The following LHPP variants were observed in gnomAD, a reference collection of about 807,000 sequenced individuals.
LHPP encodes phospholysine phosphohistidine inorganic pyrophosphate phosphatase.
Under a neutral mutation model 30.3 loss-of-function variants are expected in LHPP, and 24 were observed. The ratio of observed to expected loss-of-function variants is 0.79; its 90% CI spans 0.57 to 1.11. The LOEUF (loss-of-function observed/expected upper bound fraction) is 1.11, where lower values mean the gene tolerates loss of function less well. LHPP is among the 50% of genes most tolerant of loss of function. The probability of loss-of-function intolerance (pLI) is 0.00; values close to 1 mark genes in which losing one functional copy is unlikely to be tolerated. For missense variants in LHPP, 356 were observed against 367.2 expected, an observed-to-expected ratio of 0.97 and a Z score of 0.25; for synonymous variants, 150 against 157.1, an observed-to-expected ratio of 0.95 and a Z score of 0.34.
intron 1 of LHPP, among the ~76,000 whole-genome samples, chr10:124,476,138 G>T (rs563360437): frequency 2.6e-4 from 39 of 152,128 alleles, no homozygotes; most frequent in African/African-American, 9.4e-4. Flanking sequence ...CTGGGGGCCG[G>T]CCCCAGCTTG....
chr10:124,472,560 C>CTT (rs1344794719), intron 1 of LHPP, among the ~76,000 whole-genome samples: 141 of 141,626 alleles, frequency 1.0e-3, no homozygotes, highest in African/African-American at 3.2e-3. Flanking sequence ...TATAAACTTA[C>CTT]TTTTTTTTTT....
At chr10:124,520,125 G>T (rs1460271078) in intron 6 of LHPP, among the ~76,000 whole-genome samples, 2 of 151,908 alleles carry the variant, frequency 1.3e-5, no homozygotes, top group Non-Finnish European at 2.9e-5. Context: ...GAGCCACCGC[G>T]CCCGGCCTCT....
intron 6 of LHPP, among the ~76,000 whole-genome samples, chr10:124,583,856 CAA>C (rs1012232526): frequency 3.3e-5 from 5 of 152,192 alleles, no homozygotes; most frequent in African/African-American, 1.2e-4. Flanking sequence ...ACCATACACA[CAA>C]AGTTTTATTT....
chr10:124,470,491 T>C (rs1300644039), intron 1 of LHPP, among the ~76,000 whole-genome samples: 1 of 151,978 alleles, frequency 6.6e-6, no homozygotes, highest in Non-Finnish European at 1.5e-5. Flanking sequence ...TGATAAAACG[T>C]AGGTGCCTCC....
At chr10:124,563,462 T>A (rs1589867866) in intron 6 of LHPP, among the ~76,000 whole-genome samples, 2 of 151,934 alleles carry the variant, frequency 1.3e-5, no homozygotes, top group African/African-American at 4.8e-5. Context: ...ATCCTCAAAA[T>A]GACAAAATTC....
At chr10:124,511,772 C>G (rs1051069736) in intron 5 of LHPP, among the ~76,000 whole-genome samples, 2 of 152,196 alleles carry the variant, frequency 1.3e-5, no homozygotes, top group South Asian at 4.1e-4. Flanking sequence ...ATCTGAAGGC[C>G]TGTTTGGGAG....
rs532795670 is a variant in LHPP, at chr10:124,526,387, G to A, written c.716+9116G>A. ...CCCCTACCATTTAGATTTGCAAATG[G>A]AAGCTCAGAGAGGTGAAGTAACTTG... On this transcript the variant is annotated intron_variant, in intron 6 of 6. Coordinates refer to ENST00000368842, the MANE Select transcript of LHPP (RefSeq NM_022126.4). 21 of 234,844 alleles carry A rather than the reference G, an allele frequency of 8.9e-5. No individual in the cohort carries two copies. The South Asian group carries it at 2.9e-3, about 33-fold the overall frequency. The allele number at this position is 234,844 out of a possible 1,614,324, so 14.5% of individuals were successfully genotyped here.
At position 124,544,446 on chromosome 10, in the gene LHPP, C is replaced by T. The variant is rs146154711; in HGVS notation, c.716+27175C>T. Among the ~76,000 whole-genome samples the T allele has an allele frequency of 2.3e-3, 350 of 152,312 alleles. 1 individual carries two copies. The highest frequency in any genetic ancestry group is 0.015 in the South Asian group (72 of 4,832). On this transcript the variant is annotated intron_variant, in intron 6 of 6. Transcript: ENST00000368842. Reference sequence around the variant, plus strand: ...ACACCTGGGGAGCCAGGTGTCCAGGCAGGCTCCAGTGTCCACTCCCAACAA... The same window carrying T: ...ACACCTGGGGAGCCAGGTGTCCAGGTAGGCTCCAGTGTCCACTCCCAACAA...
At chr10:124,599,980 C>T (rs192885735) in intron 6 of LHPP, among the ~76,000 whole-genome samples, 122 of 152,300 alleles carry the variant, frequency 8.0e-4, no homozygotes, top group Non-Finnish European at 1.4e-3. Flanking sequence ...GGGCAGGGAT[C>T]TCTGAGTTGG....
At chr10:124,565,639 G>A (rs751068676) in intron 6 of LHPP, among the ~76,000 whole-genome samples, 4 of 152,148 alleles carry the variant, frequency 2.6e-5, no homozygotes, top group African/African-American at 7.2e-5. Flanking sequence ...GCTACCCCAC[G>A]CCGTGCGCCC....
chr10:124,586,014 A>C (rs4468306), intron 6 of LHPP, among the ~76,000 whole-genome samples: 93,256 of 152,054 alleles, frequency 0.61, 29,456 homozygotes, highest in African/African-American at 0.78. Context: ...AAACTCCTGA[A>C]CTCAAGTGGT....
chr10:124,506,458 A>G (rs1243298474), intron 5 of LHPP, among the ~76,000 whole-genome samples: 1 of 151,800 alleles, frequency 6.6e-6, no homozygotes, highest in Non-Finnish European at 1.5e-5. Context: ...TGCCCTGGGG[A>G]GAACCGCAGC....
intron 6 of LHPP, among the ~76,000 whole-genome samples, chr10:124,610,989 C>CAGGTGA (rs1554899374): frequency 1.8e-5 from 1 of 55,100 alleles, no homozygotes; most frequent in Non-Finnish European, 3.6e-5. Context: ...GCTGGTGGAG[C>CAGGTGA]GGGTGAGGGT....
At chr10:124,493,810 A>G (rs1039299462) in intron 3 of LHPP, 2 of 151,842 alleles carry the variant, frequency 1.3e-5, no homozygotes, top group Non-Finnish European at 2.9e-5. Flanking sequence ...TAACAGGAGA[A>G]ATACGTCGCA....
chr10:124,581,626 A>G (rs1948742978), intron 6 of LHPP, among the ~76,000 whole-genome samples: 1 of 152,158 alleles, frequency 6.6e-6, no homozygotes, highest in Admixed American at 6.5e-5. Flanking sequence ...TATCTCATTC[A>G]GATTTTGGTT....
intron 5 of LHPP, among the ~76,000 whole-genome samples, chr10:124,502,621 G>A (rs1402800748): frequency 2.0e-5 from 3 of 149,542 alleles, no homozygotes; most frequent in South Asian, 2.1e-4. Flanking sequence ...TGCCCGCTTC[G>A]GCTCCCAAAG....
At chr10:124,563,177 T>G (rs936344636) in intron 6 of LHPP, among the ~76,000 whole-genome samples, 29 of 152,242 alleles carry the variant, frequency 1.9e-4, no homozygotes, top group African/African-American at 6.3e-4. Context: ...TACACAAATG[T>G]TCGTTGCAGT....
intron 5 of LHPP, among the ~76,000 whole-genome samples, chr10:124,504,585 G>A (rs1447984331): frequency 6.8e-6 from 1 of 147,438 alleles, no homozygotes; most frequent in African/African-American, 2.6e-5. Context: ...GGGCAACTGA[G>A]CGAGACCCTG....
At chr10:124,474,640 C>G (rs1952886626) in intron 1 of LHPP, among the ~76,000 whole-genome samples, 1 of 152,038 alleles carries the variant, frequency 6.6e-6, no homozygotes, top group Non-Finnish European at 1.5e-5. Context: ...GGTCCCATCT[C>G]TAAACCACAG....
Sources: allele counts gnomAD v4.1 joint callset (sites outside exome capture counted in the v4.1 genomes callset), GRCh38; gene constraint gnomAD v4.1.1; transcripts MANE v1.5; gene names NCBI Gene and HGNC (gene_info 2026-07-23, HGNC 2026-07-21).